The following KLF12 variants were observed in gnomAD, a reference collection of about 807,000 sequenced individuals.
KLF12 encodes the protein KLF transcription factor 12.
Under a neutral mutation model 37.8 loss-of-function variants are expected in KLF12, and 9 were observed. The ratio of observed to expected loss-of-function variants is 0.24; its 90% CI spans 0.14 to 0.42. KLF12 has a LOEUF of 0.42. KLF12 is among the 10% of genes least tolerant of loss of function. The pLI is 1.00. For missense variants in KLF12, 411 were observed against 516.0 expected, an observed-to-expected ratio of 0.80 and a Z score of 1.97; for synonymous variants, 208 against 202.1, an observed-to-expected ratio of 1.03 and a Z score of -0.25.
At chr13:74,240,188 T>C in the KLF12 span, among the ~76,000 whole-genome samples, 19 of 151,982 alleles carry the variant, frequency 1.3e-4, no homozygotes, top group African/African-American at 3.4e-4. Context: ...TATTTTATTT[T>C]TCCTTCACTT....
the KLF12 span, among the ~76,000 whole-genome samples, chr13:74,295,560 T>C: frequency 6.6e-6 from 1 of 152,198 alleles, no homozygotes; most frequent in Non-Finnish European, 1.5e-5. Context: ...GTTGTTATGA[T>C]TTGTGCTCAT....
the KLF12 span, among the ~76,000 whole-genome samples, chr13:74,195,487 G>A: frequency 6.6e-6 from 1 of 152,176 alleles, no homozygotes; most frequent in Non-Finnish European, 1.5e-5. Flanking sequence ...AAGTCTCTCT[G>A]TTAAGGTTGG....
the KLF12 span, among the ~76,000 whole-genome samples, chr13:74,230,761 A>C: frequency 6.6e-6 from 1 of 152,214 alleles, no homozygotes; most frequent in East Asian, 1.9e-4. Flanking sequence ...CTATTGCCCC[A>C]GAAGCAAGCT....
chr13:74,262,846 T>TAC, the KLF12 span, among the ~76,000 whole-genome samples: 2 of 151,834 alleles, frequency 1.3e-5, no homozygotes, highest in Non-Finnish European at 2.9e-5. Flanking sequence ...TATATGTATG[T>TAC]ACACACATAT....
At chr13:73,838,570 A>C (rs1224975553) in intron 4 of KLF12, among the ~76,000 whole-genome samples, 1 of 152,204 alleles carries the variant, frequency 6.6e-6, no homozygotes, top group Non-Finnish European at 1.5e-5. Flanking sequence ...ATAAGAAATA[A>C]TGCATTTGGA....
At chr13:74,119,332 CAA>C (rs35654507) in intron 1 of KLF12, among the ~76,000 whole-genome samples, 152 of 142,102 alleles carry the variant, frequency 1.1e-3, no homozygotes, top group Non-Finnish European at 1.2e-3. Flanking sequence ...ACTCTTATCG[CAA>C]AAAAAAAAAA....
chr13:73,740,160 CT>C (rs911422490), intron 6 of KLF12, among the ~76,000 whole-genome samples: 24 of 152,182 alleles, frequency 1.6e-4, no homozygotes, highest in Non-Finnish European at 3.2e-4. Flanking sequence ...GGTGAAGCCT[CT>C]GGGAGATGAT....
chr13:73,755,374 G>T (rs1879084152), intron 6 of KLF12, among the ~76,000 whole-genome samples: 1 of 152,070 alleles, frequency 6.6e-6, no homozygotes, highest in South Asian at 2.1e-4. Flanking sequence ...CAAAAACATG[G>T]TAACATACAA....
At chr13:74,193,410 C>A in the KLF12 span, among the ~76,000 whole-genome samples, 1 of 152,176 alleles carries the variant, frequency 6.6e-6, no homozygotes, top group African/African-American at 2.4e-5. Flanking sequence ...CAAATGAGAA[C>A]CAATGAGTTC....
chr13:74,027,416 G>A (rs1893003070), intron 1 of KLF12, among the ~76,000 whole-genome samples: 1 of 152,180 alleles, frequency 6.6e-6, no homozygotes, highest in African/African-American at 2.4e-5. Context: ...TGTCTTGGGA[G>A]CGGGGGGAGA....
chr13:74,148,137 G>A, the KLF12 span, among the ~76,000 whole-genome samples: 5 of 151,590 alleles, frequency 3.3e-5, no homozygotes, highest in Admixed American at 6.6e-5. Flanking sequence ...GGCTGGTCTC[G>A]AACTCCTAAC....
the KLF12 span, among the ~76,000 whole-genome samples, chr13:74,247,130 A>G: frequency 6.6e-6 from 1 of 152,190 alleles, no homozygotes; most frequent in African/African-American, 2.4e-5. Flanking sequence ...TTGAGGGTGC[A>G]GAAAAGACAA....
At chr13:74,234,602 TAAGA>T in the KLF12 span, among the ~76,000 whole-genome samples, 2 of 152,104 alleles carry the variant, frequency 1.3e-5, no homozygotes, top group Non-Finnish European at 2.9e-5. Flanking sequence ...AAGTCAGAAA[TAAGA>T]AAGGTATTGG....
chr13:74,258,161 TTGTGTGTGTGTGTGTGTGTG>T, the KLF12 span: 4 of 133,836 alleles, frequency 3.0e-5, no homozygotes, highest in East Asian at 2.1e-4. Context: ...ATTACTGTGT[TTGTGTGTGTGTGTGTGTGTG>T]TGTGTGTGTG....
chr13:74,014,478 A>G (rs1892637735), intron 1 of KLF12, among the ~76,000 whole-genome samples: 1 of 152,228 alleles, frequency 6.6e-6, no homozygotes, highest in Admixed American at 6.5e-5. Flanking sequence ...TCACTACTCA[A>G]ATATTGAACA....
At chr13:74,189,970 G>T in the KLF12 span, among the ~76,000 whole-genome samples, 905 of 152,068 alleles carry the variant, frequency 6.0e-3, 11 homozygotes, top group African/African-American at 0.021. Context: ...TCCATTGAAT[G>T]CAAAACGTTA....
At chr13:73,704,367 A>G (rs1035756528) in intron 7 of KLF12, among the ~76,000 whole-genome samples, 1 of 152,180 alleles carries the variant, frequency 6.6e-6, no homozygotes, top group Non-Finnish European at 1.5e-5. Flanking sequence ...TTTTTCTGGA[A>G]AAACAGTAAT....
At chr13:73,911,069 G>A (rs1008220110) in intron 3 of KLF12, among the ~76,000 whole-genome samples, 2 of 151,804 alleles carry the variant, frequency 1.3e-5, no homozygotes, top group Non-Finnish European at 2.9e-5. Flanking sequence ...CTTTATAAAT[G>A]AAGCAACAAA....
chr13:73,782,782 G>T (rs1376277888), intron 5 of KLF12, among the ~76,000 whole-genome samples: 1 of 152,188 alleles, frequency 6.6e-6, no homozygotes, highest in African/African-American at 2.4e-5. Context: ...ATTTGGTGTT[G>T]ATTGTGTATC....
Sources: allele counts gnomAD v4.1 joint callset (sites outside exome capture counted in the v4.1 genomes callset), GRCh38; gene constraint gnomAD v4.1.1; transcripts MANE v1.5; gene names NCBI Gene and HGNC (gene_info 2026-07-23, HGNC 2026-07-21).